NFATC3: variants seen among roughly 807,000 people sequenced by gnomAD.
NFATC3 encodes nuclear factor of activated T cells 3, also known as nuclear factor of activated T-cells, cytoplasmic 3.
Under a neutral mutation model 98.6 loss-of-function variants are expected in NFATC3, and 46 were observed. That is an observed-to-expected ratio of 0.47 (90% CI 0.37 to 0.60). NFATC3 has a LOEUF of 0.60. Among genes scored for constraint, NFATC3 ranks in the 20% least tolerant of loss-of-function variants. The probability of loss-of-function intolerance (pLI) is 0.00; values close to 1 mark genes in which losing one functional copy is unlikely to be tolerated. For missense variants in NFATC3, 1,256 were observed against 1,295.5 expected (o/e 0.97, Z 0.47); for synonymous variants, 512 against 472.2 (o/e 1.08, Z -1.09).
intron 2 of NFATC3, among the ~76,000 whole-genome samples, chr16:68,123,743 T>A (rs2036673381): frequency 6.6e-6 from 1 of 151,984 alleles, no homozygotes; most frequent in South Asian, 2.1e-4. Context: ...CTCATGCCTG[T>A]AATCCCAACA....
intron 9 of NFATC3, among the ~76,000 whole-genome samples, chr16:68,222,475 T>G (rs2041909631): frequency 6.6e-6 from 1 of 152,152 alleles, no homozygotes; most frequent in African/African-American, 2.4e-5. Flanking sequence ...ATCTTTGAAA[T>G]TATTGCCTTT....
chr16:68,132,549 A>T (rs555604187), intron 3 of NFATC3, among the ~76,000 whole-genome samples: 1 of 152,354 alleles, frequency 6.6e-6, no homozygotes, highest in South Asian at 2.1e-4. Flanking sequence ...ACTGTTGGGA[A>T]TTCATCCATA....
chr16:68,100,893 G>GTGTA (rs2035307766), intron 1 of NFATC3, among the ~76,000 whole-genome samples: 1 of 144,676 alleles, frequency 6.9e-6, no homozygotes, highest in African/African-American at 2.6e-5. Flanking sequence ...AGTTCTGTGT[G>GTGTA]TGTGTGTGTG....
intron 1 of NFATC3, among the ~76,000 whole-genome samples, chr16:68,118,625 G>A (rs995254097): frequency 1.3e-5 from 2 of 151,980 alleles, no homozygotes; most frequent in African/African-American, 4.8e-5. Context: ...TAATTTCTTA[G>A]TGATCTTTTG....
At chr16:68,179,851 A>G (rs946838885) in intron 6 of NFATC3, among the ~76,000 whole-genome samples, 5 of 152,198 alleles carry the variant, frequency 3.3e-5, no homozygotes, top group African/African-American at 1.2e-4. Flanking sequence ...GGAGTAAGTA[A>G]TGTTCCAAAG....
In NFATC3 at chr16:68,227,736, G is replaced by A. The variant is rs2042063860; in HGVS notation, c.*1265G>A. ...GCTGCTGGTGAGACTGGTGTCCAAG[G>A]CAGGGCCCAGCAGAAACTGCAGCCT... On this transcript the variant is annotated 3_prime_UTR_variant, in exon 10 of 10. Transcript: ENST00000346183. 1.3e-5 allele frequency: 2 copies of A among 151,902 alleles called. No homozygotes were observed. The highest frequency in any genetic ancestry group is 2.1e-4 in the South Asian group (1 of 4,802). 9.4% of individuals were successfully genotyped at this position (151,902 alleles called of 1,614,324 possible). A position where few individuals can be genotyped will look rare whatever the true frequency, so the allele number is the denominator to read the frequency against.
At chr16:68,090,019 T>C (rs960092221) in intron 1 of NFATC3, among the ~76,000 whole-genome samples, 5 of 152,186 alleles carry the variant, frequency 3.3e-5, no homozygotes, top group African/African-American at 1.2e-4. Context: ...GATAATCCTT[T>C]AATACACAAC....
intron 4 of NFATC3, among the ~76,000 whole-genome samples, chr16:68,164,348 C>T (rs971281927): frequency 1.3e-5 from 2 of 152,132 alleles, no homozygotes; most frequent in Non-Finnish European, 2.9e-5. Flanking sequence ...GCAGTACAGT[C>T]CAGCTTCGGC....
At chr16:68,220,836 G>T (rs1278193696) in intron 9 of NFATC3, among the ~76,000 whole-genome samples, 1 of 151,488 alleles carries the variant, frequency 6.6e-6, no homozygotes, top group East Asian at 2.0e-4. Context: ...AGAGAATGGC[G>T]TGAACTTGGG....
At chr16:68,096,159 T>A (rs2151450140) in intron 1 of NFATC3, among the ~76,000 whole-genome samples, 1 of 152,054 alleles carries the variant, frequency 6.6e-6, no homozygotes, top group South Asian at 2.1e-4. Context: ...AGAGACGGAG[T>A]CTTTCTGTGT....
At chr16:68,183,864 G>A (rs754684713) in intron 8 of NFATC3, among the ~76,000 whole-genome samples, 24 of 151,934 alleles carry the variant, frequency 1.6e-4, no homozygotes, top group East Asian at 9.6e-4. Context: ...AGAATTAGCC[G>A]GGTGTGGTGG....
At chr16:68,149,285 A>G (rs2038196046) in intron 3 of NFATC3, among the ~76,000 whole-genome samples, 1 of 152,210 alleles carries the variant, frequency 6.6e-6, no homozygotes, top group East Asian at 1.9e-4. Flanking sequence ...CAATAGGTTT[A>G]CTATGCTCCC....
Position 68,190,999 on chromosome 16 carries a change from A to G in NFATC3, c.2330A>G (p.Glu777Gly). Residue 777 changes from glutamate to glycine, a missense_variant, in exon 9 of 10, where the codon GAA (glutamate) becomes GGA (glycine). Transcript: ENST00000346183. ...LQCRDESVSKEQHMIPSPIVH... is the reference protein window; with the variant it reads ...LQCRDESVSKGQHMIPSPIVH... Reference sequence around the variant, plus strand: ...TGTAGAGATGAGAGTGTTAGTAAAGAACAGCATATGATTCCTTCTCCAATT... The same window carrying G: ...TGTAGAGATGAGAGTGTTAGTAAAGGACAGCATATGATTCCTTCTCCAATT... 6.2e-7 allele frequency: 1 copy of G among 1,614,198 alleles called. No homozygotes were observed. Among genetic ancestry groups the G allele is most frequent in the Non-Finnish European group, 8.5e-7 (1 of 1,180,040 alleles).
Position 68,190,898 on chromosome 16 carries a change from A to G in NFATC3, c.2229A>G (p.Gly743=). ...SGCSHDSVLS[G]QRSLICSIPQ... is the part of the protein sequence containing the mutation. Reference sequence around the variant, plus strand: ...GTTCACATGACAGTGTACTGTCAGGACAGAGAAGTTTGATTTGCTCCATCC... The same window carrying G: ...GTTCACATGACAGTGTACTGTCAGGGCAGAGAAGTTTGATTTGCTCCATCC... The change falls in exon 9 of 10, where the codon GGA becomes GGG. Residue 743 remains glycine (G), a synonymous_variant. Transcript: ENST00000346183. 1 of 1,614,222 alleles carries G rather than the reference A, an allele frequency of 6.2e-7. No homozygotes were observed. The highest frequency in any genetic ancestry group is 8.5e-7 in the Non-Finnish European group (1 of 1,180,040).
chr16:68,170,867 A>G (rs557918216), intron 5 of NFATC3, among the ~76,000 whole-genome samples: 2 of 147,974 alleles, frequency 1.4e-5, no homozygotes, highest in Non-Finnish European at 3.0e-5. Context: ...AATTGGGCTT[A>G]TCTGATACAG....
intron 1 of NFATC3, among the ~76,000 whole-genome samples, chr16:68,090,993 G>A (rs1411844032): frequency 2.0e-5 from 3 of 152,146 alleles, no homozygotes; most frequent in Non-Finnish European, 4.4e-5. Context: ...GCAGAATTTT[G>A]TGGTTTAGAT....
chr16:68,173,702 T>C (rs1180108883), intron 5 of NFATC3, among the ~76,000 whole-genome samples: 2 of 152,256 alleles, frequency 1.3e-5, no homozygotes, highest in African/African-American at 4.8e-5. Context: ...ATGCTTTTTG[T>C]AATTAGATTT....
In NFATC3 at chr16:68,183,380, T is replaced by C; in HGVS notation, c.2098+14T>C. On this transcript the variant is annotated intron_variant, in intron 8 of 9. Transcript: ENST00000346183. ...CTTATACACCAGGTACGAGGAGTCA[T>C]GATGGTTTACTATAGAGCTTTCTTT... is the stretch of plus-strand genomic sequence containing the variant. The C allele has an allele frequency of 6.2e-7, 1 of 1,609,768 alleles. No homozygotes were observed. The highest frequency in any genetic ancestry group is 8.5e-7 in the Non-Finnish European group (1 of 1,179,750).
intron 1 of NFATC3, among the ~76,000 whole-genome samples, chr16:68,101,697 A>G (rs996219381): frequency 3.3e-5 from 5 of 151,336 alleles, no homozygotes; most frequent in African/African-American, 1.2e-4. Context: ...ATTATCCAGG[A>G]TGGTCTTGAT....
Sources: gnomAD v4.1 joint callset for allele counts (sites outside exome capture counted in the v4.1 genomes callset) on GRCh38, gnomAD v4.1.1 for gene constraint, MANE v1.5 for transcripts, NCBI Gene and HGNC (gene_info 2026-07-23, HGNC 2026-07-21) for gene names.